The following SEMA5B variants were observed in gnomAD, a reference collection of about 807,000 sequenced individuals.
SEMA5B encodes the protein semaphorin 5B, also known as semaphorin-5B.
Under a neutral mutation model 135.0 loss-of-function variants are expected in SEMA5B, and 66 were observed. That is an observed-to-expected ratio of 0.49 (90% confidence interval 0.40 to 0.60). SEMA5B has a LOEUF of 0.60. Ranked by LOEUF, SEMA5B falls within the 20% of genes least tolerant of loss-of-function variation. SEMA5B has a pLI of 0.00. For missense variants in SEMA5B, 1,501 were observed against 1,566.3 expected, an observed-to-expected ratio of 0.96 and a Z score of 0.70; for synonymous variants, 690 against 639.5, an observed-to-expected ratio of 1.08 and a Z score of -1.19.
At chr3:122,986,976 G>T (rs545195778) in intron 1 of SEMA5B, among the ~76,000 whole-genome samples, 3 of 152,260 alleles carry the variant, frequency 2.0e-5, no homozygotes, top group Admixed American at 2.0e-4. Context: ...ACAGAGAGGT[G>T]GGGGAAGGGA....
chr3:123,025,797 C>G (rs765923019), intron 1 of SEMA5B, among the ~76,000 whole-genome samples: 9 of 152,210 alleles, frequency 5.9e-5, no homozygotes, highest in South Asian at 2.1e-4. Flanking sequence ...GTGGCAAGTT[C>G]CCCCATCTCT....
At chr3:122,939,507 G>A (rs944933425) in intron 4 of SEMA5B, 37 bp from the exon 5 acceptor site, 4 of 1,578,784 alleles carry the variant, frequency 2.5e-6, no homozygotes, top group Admixed American at 1.7e-5. Flanking sequence ...AGTGACGCTG[G>A]TTCTGCAGGC....
intron 1 of SEMA5B, among the ~76,000 whole-genome samples, chr3:122,979,718 T>A (rs1383895421): frequency 1.3e-5 from 2 of 152,230 alleles, no homozygotes; most frequent in African/African-American, 4.8e-5. Context: ...AGGCCATCCA[T>A]CTGGTTTTCC....
At chr3:122,976,126 G>A (rs1315594237) in intron 1 of SEMA5B, 46 of 1,535,164 alleles carry the variant, frequency 3.0e-5, no homozygotes, top group Non-Finnish European at 3.7e-5. Flanking sequence ...TGCAGCATGT[G>A]GTTTATACAC....
chr3:122,976,240 TA>T (rs1038909937), intron 1 of SEMA5B: 2 of 1,339,880 alleles, frequency 1.5e-6, no homozygotes, highest in Non-Finnish European at 2.0e-6. Flanking sequence ...GGAACTTGTT[TA>T]AAATGCAAAT....
chr3:122,987,011 A>AT (rs1286697211), intron 1 of SEMA5B, among the ~76,000 whole-genome samples: 2 of 152,088 alleles, frequency 1.3e-5, no homozygotes, highest in African/African-American at 4.8e-5. Flanking sequence ...CTCAGGCTGC[A>AT]TTTCTTGCAG....
At chr3:122,978,668 C>T (rs541616859) in intron 1 of SEMA5B, among the ~76,000 whole-genome samples, 1 of 152,166 alleles carries the variant, frequency 6.6e-6, no homozygotes, top group East Asian at 1.9e-4. Context: ...GGGAGCAGAC[C>T]CCTCCGCTGG....
chr3:122,917,295 G>A, intron 12 of SEMA5B, among the ~76,000 whole-genome samples: 1 of 152,234 alleles, frequency 6.6e-6, no homozygotes, highest in Non-Finnish European at 1.5e-5. Context: ...AGGCTTTGGA[G>A]AAGGATGTAC....
In SEMA5B at chr3:122,930,389, C is replaced by T. The variant is rs371662302; in HGVS notation, c.475-1331G>A. ...AGGACCCTGAATCTGGCCACAGAGC[C>T]ACGGTGTTCATCTGGACAGAAACAA... On this transcript the variant is annotated intron_variant, in intron 5 of 22. Transcript: ENST00000357599. Among the ~76,000 whole-genome samples the T allele has an allele frequency of 9.6e-4, 146 of 152,358 alleles. 1 individual carries two copies. Among genetic ancestry groups the T allele is most frequent in the African/African-American group, 3.3e-3 (136 of 41,594 alleles).
chr3:122,968,689 C>T (rs946688445), intron 1 of SEMA5B, among the ~76,000 whole-genome samples: 1 of 152,160 alleles, frequency 6.6e-6, no homozygotes, highest in Non-Finnish European at 1.5e-5. Context: ...GTCCATCCTC[C>T]AGGCACCAGG....
chr3:122,981,701 G>GT (rs1941526557), intron 1 of SEMA5B, among the ~76,000 whole-genome samples: 1 of 152,208 alleles, frequency 6.6e-6, no homozygotes, highest in African/African-American at 2.4e-5. Context: ...CACAGGCACT[G>GT]TTTTTTGAGC....
intron 1 of SEMA5B, among the ~76,000 whole-genome samples, chr3:123,025,436 C>T (rs1467836131): frequency 3.3e-5 from 5 of 152,338 alleles, no homozygotes; most frequent in Non-Finnish European, 7.3e-5. Flanking sequence ...GGCATGGGCT[C>T]GGCCCTGTAC....
intron 1 of SEMA5B, among the ~76,000 whole-genome samples, chr3:123,019,943 A>C (rs1490338336): frequency 2.0e-5 from 3 of 152,238 alleles, no homozygotes; most frequent in Non-Finnish European, 4.4e-5. Context: ...ACAGGGAAGC[A>C]GTCAGCGCGA....
intron 8 of SEMA5B, 139 bp from the exon 9 acceptor site, chr3:122,926,816 G>T: frequency 7.6e-6 from 7 of 917,750 alleles, no homozygotes; most frequent in Non-Finnish European, 1.2e-5. Flanking sequence ...TGACCTGGGG[G>T]CCCTAACTAA....
chr3:123,018,577 T>C (rs544566268), intron 1 of SEMA5B, among the ~76,000 whole-genome samples: 1 of 152,312 alleles, frequency 6.6e-6, no homozygotes, highest in South Asian at 2.1e-4. Flanking sequence ...ACCCCACATT[T>C]CTCTTAGCTC....
chr3:122,957,508 C>T (rs1003308157), intron 2 of SEMA5B, among the ~76,000 whole-genome samples: 6 of 152,204 alleles, frequency 3.9e-5, no homozygotes, highest in Admixed American at 3.3e-4. Flanking sequence ...GGTAACCTCA[C>T]ACTTCTTTTC....
At chr3:122,966,610 A>T (rs1195919352) in intron 1 of SEMA5B, among the ~76,000 whole-genome samples, 4 of 149,928 alleles carry the variant, frequency 2.7e-5, no homozygotes, top group Non-Finnish European at 5.9e-5. Flanking sequence ...GCTGGAGTGC[A>T]GTGGCGTGAT....
chr3:122,960,489 C>G (rs1180815000), intron 2 of SEMA5B, among the ~76,000 whole-genome samples: 1 of 152,120 alleles, frequency 6.6e-6, no homozygotes, highest in African/African-American at 2.4e-5. Context: ...CCCACAAGAA[C>G]CAGAAGTAGG....
intron 10 of SEMA5B, among the ~76,000 whole-genome samples, chr3:122,923,395 T>C (rs1230611898): frequency 6.6e-6 from 1 of 152,190 alleles, no homozygotes; most frequent in Non-Finnish European, 1.5e-5. Context: ...CATTTAGAGA[T>C]GGCTCGGAGC....
Sources: gnomAD v4.1 joint callset for allele counts (sites outside exome capture counted in the v4.1 genomes callset) on GRCh38, gnomAD v4.1.1 for gene constraint, MANE v1.5 for transcripts, NCBI Gene and HGNC (gene_info 2026-07-23, HGNC 2026-07-21) for gene names.